The following FAAP20 variants were observed in gnomAD, a reference collection of about 807,000 sequenced individuals.
FAAP20 encodes the protein FA core complex associated protein 20, also known as Fanconi anemia core complex-associated protein 20.
A neutral mutation model predicts 16.2 loss-of-function variants in FAAP20; 12 were observed. That is an observed-to-expected ratio of 0.74 (90% confidence interval 0.48 to 1.20). The LOEUF is 1.20. FAAP20 is among the 50% of genes most tolerant of loss of function. The pLI, the probability that FAAP20 is intolerant of heterozygous loss-of-function variation, is 0.00. For synonymous variants in FAAP20, 141 were observed against 110.7 expected (o/e 1.27, Z -1.72); for missense variants, 288 against 245.8 (o/e 1.17, Z -1.15).
chr1:2,195,417 G>T (rs1360733854), upstream of FAAP20, among the ~76,000 whole-genome samples: 1 of 152,224 alleles, frequency 6.6e-6, no homozygotes, highest in Admixed American at 6.5e-5. Flanking sequence ...GTGCCCCATG[G>T]GCCCAGGCCA....
At chr1:2,187,374 G>A (rs528209194), downstream of FAAP20, among the ~76,000 whole-genome samples, 21 of 149,572 alleles carry the variant, frequency 1.4e-4, no homozygotes, top group Admixed American at 2.7e-4. Flanking sequence ...GCGAGATCTC[G>A]GCTCACTGCA....
intron 3 of FAAP20, among the ~76,000 whole-genome samples, chr1:2,205,361 C>G (rs565428550): frequency 6.8e-6 from 1 of 147,350 alleles, no homozygotes; most frequent in South Asian, 2.2e-4. Context: ...CCCGCCCCAG[C>G]TGTGTCCTCG....
At chr1:2,196,692 T>A (rs1688840437), upstream of FAAP20, among the ~76,000 whole-genome samples, 2 of 152,040 alleles carry the variant, frequency 1.3e-5, no homozygotes, top group Non-Finnish European at 2.9e-5. The surrounding 1 kb of genome is among the most constrained non-coding windows in gnomAD (Gnocchi z 4.5). Context: ...ATACAAAAAT[T>A]AGCCGGGCAT....
upstream of FAAP20, chr1:2,200,480 G>A (rs530073279): frequency 1.9e-4 from 49 of 255,978 alleles, no homozygotes; most frequent in Middle Eastern, 3.9e-3. Context: ...GCAGCTGCAC[G>A]CCAGGGAATG....
chr1:2,199,139 A>T (rs1572129720), upstream of FAAP20: 1 of 1,183,752 alleles, frequency 8.4e-7, no homozygotes, highest in East Asian at 6.0e-5. The surrounding 1 kb of genome is among the most constrained non-coding windows in gnomAD (Gnocchi z 4.5). Context: ...CGGGAGAGAC[A>T]GCGGTCCTGT....
At chr1:2,198,068 G>A, upstream of FAAP20, 2 of 1,291,518 alleles carry the variant, frequency 1.5e-6, no homozygotes, top group Non-Finnish European at 2.0e-6. Flanking sequence ...GGTGATGGTG[G>A]AGGTTTCAAA....
chr1:2,189,623 G>C lies in FAAP20; in HGVS notation c.*86C>G, dbSNP rs367968372. 74 of 1,020,386 alleles carry C rather than the reference G, an allele frequency of 7.3e-5. No individual in the cohort carries two copies. The East Asian group carries it at 1.2e-3, about 17-fold the overall frequency. The allele number at this position is 1,020,386 out of a possible 1,614,324, so 63.2% of individuals were successfully genotyped here. ...TGCGGGGGAGCCGAGAGGCGGGGCT[G>C]CTGGCGGGGGAGCCGAGAGGCGGGG... On this transcript the variant is annotated 3_prime_UTR_variant, in exon 4 of 4. Transcript: ENST00000378546.
chr1:2,193,087 C>A, intron 3 of FAAP20: 1 of 1,110,692 alleles, frequency 9.0e-7, no homozygotes, highest in Non-Finnish European at 1.2e-6. Flanking sequence ...TTCACACCAC[C>A]CCAGCCCCAG....
At chr1:2,207,964 G>A (rs868426366), downstream of FAAP20, among the ~76,000 whole-genome samples, 8 of 151,204 alleles carry the variant, frequency 5.3e-5, no homozygotes, top group East Asian at 7.9e-4. Flanking sequence ...GTCCGTGCGC[G>A]CGCGCATGCG....
chr1:2,194,320 G>C (rs1688622570), intron 1 of FAAP20, 187 bp from the exon 2 acceptor site: 1 of 301,634 alleles, frequency 3.3e-6, no homozygotes, highest in Admixed American at 5.4e-5. Context: ...GGAGATGAGG[G>C]GTACTGGGGG....
intron 3 of FAAP20, 46 bp from the exon 4 acceptor site, chr1:2,189,827 T>A: frequency 6.9e-7 from 1 of 1,449,588 alleles, no homozygotes; most frequent in Non-Finnish European, 9.7e-7. Context: ...CGCGGCATGC[T>A]GGCCGCAGAG....
intron 3 of FAAP20, chr1:2,192,117 G>A (rs1688297666): frequency 2.0e-6 from 2 of 985,560 alleles, no homozygotes; most frequent in African/African-American, 3.5e-5. Flanking sequence ...AAGTCCGGCT[G>A]TTAGACCAGA....
chr1:2,206,509 A>T (rs1345356757), intron 2 of FAAP20: 1 of 152,254 alleles, frequency 6.6e-6, no homozygotes, highest in Non-Finnish European at 1.5e-5. Flanking sequence ...CGCTCTGAGC[A>T]CCTACCGTGG....
chr1:2,187,088 C>T, downstream of FAAP20: 1 of 442,112 alleles, frequency 2.3e-6, no homozygotes. Context: ...GCACAGTGGG[C>T]CTGCGTGGGC....
At chr1:2,193,003 C>T in intron 3 of FAAP20, 2 of 1,303,758 alleles carry the variant, frequency 1.5e-6, no homozygotes, top group Non-Finnish European at 2.0e-6. Flanking sequence ...TCAGGCATGA[C>T]TGAAGGACCT....
chr1:2,200,591 C>T (rs1402461643), upstream of FAAP20: 2 of 975,988 alleles, frequency 2.0e-6, no homozygotes, highest in Non-Finnish European at 2.4e-6. Flanking sequence ...GCTGCCTGAA[C>T]TGTGAGAATA....
upstream of FAAP20, chr1:2,201,010 G>A (rs141042728): frequency 1.7e-5 from 22 of 1,263,910 alleles, no homozygotes; most frequent in Non-Finnish European, 2.3e-5. Flanking sequence ...CCTGAGATGA[G>A]ATGCTGCCTG....
chr1:2,198,200 T>A, upstream of FAAP20: 1 of 1,251,010 alleles, frequency 8.0e-7, no homozygotes, highest in Non-Finnish European at 1.0e-6. Flanking sequence ...AAATGAGTTT[T>A]TTCTAAGCCA....
chr1:2,190,325 G>C (rs1293532118), intron 3 of FAAP20: 3 of 456,366 alleles, frequency 6.6e-6, no homozygotes, highest in Non-Finnish European at 1.3e-5. Context: ...ACTCTGGGAG[G>C]CCCCACGCGG....
Sources: allele counts gnomAD v4.1 joint callset (sites outside exome capture counted in the v4.1 genomes callset), GRCh38; gene constraint gnomAD v4.1.1; non-coding constraint Gnocchi (gnomAD v3.1); transcripts MANE v1.5; gene names NCBI Gene and HGNC (gene_info 2026-07-23, HGNC 2026-07-21).